Variants in FLVCR2 observed in about 807,000 individuals in gnomAD.
The protein encoded by FLVCR2 is FLVCR choline and putative heme transporter 2, also known as choline/ethanolamine transporter FLVCR2.
FLVCR2 carries 38 observed loss-of-function variants against 48.9 expected under a neutral mutation model. That is an observed-to-expected ratio of 0.78 (90% CI 0.60 to 1.02). The LOEUF (loss-of-function observed/expected upper bound fraction) is 1.02, where lower values mean the gene tolerates loss of function less well. Among genes scored for constraint, FLVCR2 ranks in the 50% least tolerant of loss-of-function variants. FLVCR2 has a pLI of 0.00. For synonymous variants in FLVCR2, 255 were observed against 257.0 expected (o/e 0.99, Z 0.07); for missense variants, 664 against 663.3 (o/e 1.00, Z -0.01).
chr14:75,621,248 TA>T (rs1013544027), intron 1 of FLVCR2, among the ~76,000 whole-genome samples: 12 of 151,916 alleles, frequency 7.9e-5, no homozygotes, highest in African/African-American at 2.9e-4. Context: ...CCGTCTCTAC[TA>T]AAAATACAAA....
chr14:75,613,863 T>A (rs114032668), intron 1 of FLVCR2, among the ~76,000 whole-genome samples: 3,083 of 152,214 alleles, frequency 0.02, 112 homozygotes, highest in African/African-American at 0.071. Context: ...AACATGAGCT[T>A]TAGAGGGGAC....
intron 5 of FLVCR2, among the ~76,000 whole-genome samples, chr14:75,638,648 T>C (rs541284849): frequency 6.6e-6 from 1 of 152,120 alleles, no homozygotes; most frequent in Non-Finnish European, 1.5e-5. Flanking sequence ...TTTGTCCTGT[T>C]TTTTCTTTTT....
intron 1 of FLVCR2, among the ~76,000 whole-genome samples, chr14:75,584,136 C>T (rs1297530870): frequency 2.0e-5 from 3 of 152,136 alleles, no homozygotes; most frequent in South Asian, 2.1e-4. Context: ...TTCTGGCATT[C>T]GAAGCAAGGT....
In FLVCR2 at chr14:75,641,163, C is replaced by G. The variant is rs367734310; in HGVS notation, c.1342-19C>G. On this transcript the variant is annotated intron_variant, in intron 7 of 9. Transcript: ENST00000238667. ...AGTTGACTGGGCCCTTGTTTCCTAT[C>G]TTCTTTATGCCTTTCCAGGTATTTG... The G allele has an allele frequency of 6.5e-5, 104 of 1,589,176 alleles. No homozygotes were observed. The highest frequency in any genetic ancestry group is 8.6e-5 in the Non-Finnish European group (99 of 1,157,452).
At chr14:75,591,963 C>T (rs1313615013) in intron 1 of FLVCR2, among the ~76,000 whole-genome samples, 1 of 151,880 alleles carries the variant, frequency 6.6e-6, no homozygotes. Flanking sequence ...CAGGCATGCA[C>T]CACTGCACCT....
rs562468033 is a variant in FLVCR2, at chr14:75,646,627, C to T, written c.*155C>T. The T allele has an allele frequency of 2.1e-4, 146 of 685,808 alleles. No individual in the cohort carries two copies. The highest frequency in any genetic ancestry group is 3.2e-4 in the Non-Finnish European group (117 of 368,676). 42.5% of individuals were successfully genotyped at this position (685,808 alleles called of 1,614,324 possible). A position where few individuals can be genotyped will look rare whatever the true frequency, so the allele number is the denominator to read the frequency against. Reference sequence around the variant, plus strand: ...GATGGCCTATTCCTCCTAGAACCCACGTAAGAGCTTGGATGATTTAGTTGG... The same window carrying T: ...GATGGCCTATTCCTCCTAGAACCCATGTAAGAGCTTGGATGATTTAGTTGG... On this transcript the variant is annotated 3_prime_UTR_variant, in exon 10 of 10. Transcript: ENST00000238667.
At chr14:75,625,791 TGTGTCAG>T (rs1889887516) in intron 3 of FLVCR2, among the ~76,000 whole-genome samples, 1 of 152,006 alleles carries the variant, frequency 6.6e-6, no homozygotes, top group Admixed American at 6.5e-5. Context: ...GTGCTTACTA[TGTGTCAG>T]GTGCTTTTCA....
intron 1 of FLVCR2, among the ~76,000 whole-genome samples, chr14:75,616,537 T>G (rs983639410): frequency 6.6e-6 from 1 of 152,122 alleles, no homozygotes; most frequent in Non-Finnish European, 1.5e-5. Context: ...TTATGGAGTA[T>G]GGACTTTTTT....
chr14:75,626,158 A>T (rs1279053516), intron 3 of FLVCR2, among the ~76,000 whole-genome samples: 3 of 152,040 alleles, frequency 2.0e-5, no homozygotes, highest in Admixed American at 1.3e-4. Context: ...TGCCCGGCTA[A>T]TTTTTGTATT....
intron 1 of FLVCR2, among the ~76,000 whole-genome samples, chr14:75,587,837 G>GTCC (rs1353784311): frequency 6.6e-6 from 1 of 152,192 alleles, no homozygotes; most frequent in East Asian, 1.9e-4. Flanking sequence ...CCAGGTGAGA[G>GTCC]TCCTATAGGA....
At chr14:75,639,291 G>T in intron 5 of FLVCR2, 61 bp from the exon 6 acceptor site, 1 of 1,004,878 alleles carries the variant, frequency 1.0e-6, no homozygotes, top group Non-Finnish European at 1.6e-6. Context: ...TGGAATAAAT[G>T]AATGAATGAG....
intron 3 of FLVCR2, among the ~76,000 whole-genome samples, chr14:75,625,111 A>G (rs1889865673): frequency 6.6e-6 from 1 of 152,088 alleles, no homozygotes; most frequent in Non-Finnish European, 1.5e-5. Flanking sequence ...CTATTTCCCC[A>G]TTAGACTGAA....
chr14:75,624,888 C>G (rs1446895315), intron 3 of FLVCR2, 136 bp downstream of exon 3: 7 of 1,014,514 alleles, frequency 6.9e-6, no homozygotes, highest in Non-Finnish European at 1.1e-5. Flanking sequence ...TCCAGAGGAC[C>G]CAGCTATGCC....
At chr14:75,581,830 G>A (rs1457726472) in intron 1 of FLVCR2, among the ~76,000 whole-genome samples, 1 of 152,208 alleles carries the variant, frequency 6.6e-6, no homozygotes, top group African/African-American at 2.4e-5. Context: ...ACACTGAGAA[G>A]TGATTTCCTT....
chr14:75,601,077 A>G (rs1187193398), intron 1 of FLVCR2, among the ~76,000 whole-genome samples: 5 of 152,224 alleles, frequency 3.3e-5, no homozygotes, highest in Non-Finnish European at 7.3e-5. Context: ...CCCAACAAAG[A>G]TTTACCCACG....
chr14:75,641,974 G>A (rs767674225), intron 9 of FLVCR2, 76 bp downstream of exon 9: 4 of 1,335,176 alleles, frequency 3.0e-6, no homozygotes, highest in Non-Finnish European at 4.3e-6. Flanking sequence ...CATAGATGGG[G>A]CAGGGAGAAC....
chr14:75,607,449 G>C (rs1200788087), intron 1 of FLVCR2, among the ~76,000 whole-genome samples: 1 of 152,222 alleles, frequency 6.6e-6, no homozygotes, highest in Admixed American at 6.5e-5. Context: ...CTGAGTCTCA[G>C]ACCATGTCTT....
rs998178089 is a variant in FLVCR2 at position 75,594,510 on chromosome 14, C to T, written c.669+14869C>T. On this transcript the variant is annotated intron_variant, in intron 1 of 9. Transcript: ENST00000238667. Reference sequence around the variant, plus strand: ...ACAGAATACCACAGACTGGGTAATTCGCATTGAACAGAAATTAATTTGGCT... The same window carrying T: ...ACAGAATACCACAGACTGGGTAATTTGCATTGAACAGAAATTAATTTGGCT... 6.6e-5 allele frequency among the ~76,000 whole-genome samples: 10 copies of T among 152,140 alleles called. 1 individual carries two copies. The highest frequency in any genetic ancestry group is 9.7e-5 in the African/African-American group (4 of 41,414).
chr14:75,619,876 C>T (rs1488761965), intron 1 of FLVCR2, among the ~76,000 whole-genome samples: 1 of 152,132 alleles, frequency 6.6e-6, no homozygotes, highest in Non-Finnish European at 1.5e-5. Flanking sequence ...TCCAGCTGCC[C>T]CAGAGGAGGA....
Sources: allele counts gnomAD v4.1 joint callset (sites outside exome capture counted in the v4.1 genomes callset), GRCh38; gene constraint gnomAD v4.1.1; transcripts MANE v1.5; gene names NCBI Gene and HGNC (gene_info 2026-07-23, HGNC 2026-07-21).